CTNND2: variants seen among roughly 807,000 people sequenced by gnomAD.
CTNND2 encodes the protein catenin delta 2.
Under a neutral mutation model 144.4 loss-of-function variants are expected in CTNND2, and 22 were observed. The ratio of observed to expected loss-of-function variants is 0.15; its 90% confidence interval spans 0.11 to 0.22. The LOEUF is 0.22. Ranked by LOEUF, CTNND2 falls within the 10% of genes least tolerant of loss-of-function variation. The pLI, the probability that CTNND2 is intolerant of heterozygous loss-of-function variation, is 1.00. For synonymous variants in CTNND2, 751 were observed against 695.6 expected (o/e 1.08, Z -1.25); for missense variants, 1,353 against 1,618.8 (o/e 0.84, Z 2.82).
At chr5:11,427,761 C>T (rs1762916053) in intron 3 of CTNND2, among the ~76,000 whole-genome samples, 1 of 152,108 alleles carries the variant, frequency 6.6e-6, no homozygotes, top group South Asian at 2.1e-4. Flanking sequence ...TTCATTCCAC[C>T]CCACTGCCCC....
intron 2 of CTNND2, among the ~76,000 whole-genome samples, chr5:11,709,909 C>T (rs917754057): frequency 9.2e-5 from 14 of 151,950 alleles, no homozygotes; most frequent in African/African-American, 3.1e-4. Flanking sequence ...TACAAAAAAG[C>T]ATATTTGTAC....
chr5:11,786,047 A>G (rs951893547), intron 1 of CTNND2, among the ~76,000 whole-genome samples: 1 of 152,208 alleles, frequency 6.6e-6, no homozygotes, highest in African/African-American at 2.4e-5. Flanking sequence ...TGCAGAGCAC[A>G]TGGCTCACCT....
At chr5:11,363,462 G>A (rs1300464475) in intron 8 of CTNND2, among the ~76,000 whole-genome samples, 3 of 152,122 alleles carry the variant, frequency 2.0e-5, no homozygotes, top group African/African-American at 7.2e-5. Context: ...AACATTAAAT[G>A]CTAAAGTAGC....
chr5:10,975,772 G>T (rs1438595820), intron 21 of CTNND2, among the ~76,000 whole-genome samples: 1 of 152,212 alleles, frequency 6.6e-6, no homozygotes, highest in East Asian at 1.9e-4. Context: ...GGCCAGGGAA[G>T]GCAGTGCAGG....
At chr5:11,886,125 CA>C (rs1264275071) in intron 1 of CTNND2, among the ~76,000 whole-genome samples, 3 of 151,792 alleles carry the variant, frequency 2.0e-5, no homozygotes, top group Non-Finnish European at 4.4e-5. Flanking sequence ...ACCAGAAAAG[CA>C]GGAATAAACC....
At chr5:11,719,524 G>A (rs1786540816) in intron 2 of CTNND2, among the ~76,000 whole-genome samples, 1 of 152,112 alleles carries the variant, frequency 6.6e-6, no homozygotes, top group African/African-American at 2.4e-5. Context: ...GGATATCTCA[G>A]ACCACAGAGG....
At chr5:11,539,700 G>A (rs2150067524) in intron 3 of CTNND2, among the ~76,000 whole-genome samples, 1 of 152,318 alleles carries the variant, frequency 6.6e-6, no homozygotes, top group African/African-American at 2.4e-5. Context: ...GGCTCTCATG[G>A]CACTGCCACA....
chr5:11,716,156 C>T (rs1786338539), intron 2 of CTNND2, among the ~76,000 whole-genome samples: 1 of 152,204 alleles, frequency 6.6e-6, no homozygotes, highest in Non-Finnish European at 1.5e-5. Flanking sequence ...GACAGCCACT[C>T]ATAAGGGGTT....
intron 1 of CTNND2, among the ~76,000 whole-genome samples, chr5:11,772,255 T>C (rs978093450): frequency 2.6e-5 from 4 of 152,214 alleles, no homozygotes; most frequent in Admixed American, 2.6e-4. Flanking sequence ...TACCCTTTGT[T>C]TTATCTATTT....
At chr5:11,391,742 TA>T in intron 6 of CTNND2, among the ~76,000 whole-genome samples, 1 of 152,260 alleles carries the variant, frequency 6.6e-6, no homozygotes. Context: ...ATATGTAACA[TA>T]AAAGAAGAGA....
intron 14 of CTNND2, among the ~76,000 whole-genome samples, chr5:11,110,287 G>C (rs1269984988): frequency 1.3e-5 from 2 of 152,214 alleles, no homozygotes; most frequent in Non-Finnish European, 2.9e-5. Context: ...TCCAGCTCCA[G>C]CTCAACATTG....
At chr5:11,248,903 T>A (rs1743285531) in intron 9 of CTNND2, among the ~76,000 whole-genome samples, 1 of 152,242 alleles carries the variant, frequency 6.6e-6, no homozygotes, top group South Asian at 2.1e-4. Context: ...CATCACCTTA[T>A]CTTAGTTCTT....
chr5:11,068,096 A>G (rs1288891442), intron 16 of CTNND2, among the ~76,000 whole-genome samples: 3 of 152,210 alleles, frequency 2.0e-5, no homozygotes, highest in African/African-American at 4.8e-5. Flanking sequence ...GAGAAATGGG[A>G]TATCTCAGAG....
intron 2 of CTNND2, among the ~76,000 whole-genome samples, chr5:11,722,230 G>A (rs1264600272): frequency 6.6e-6 from 1 of 152,198 alleles, no homozygotes; most frequent in Non-Finnish European, 1.5e-5. Flanking sequence ...ACCCTCACAT[G>A]AGCCAGGGAC....
intron 2 of CTNND2, among the ~76,000 whole-genome samples, chr5:11,684,260 CCT>C (rs990747009): frequency 4.6e-5 from 7 of 151,948 alleles, no homozygotes; most frequent in African/African-American, 2.4e-5. Flanking sequence ...CGCCACCACG[CCT>C]GGCTAATTTT....
chr5:11,661,585 A>G (rs116639285), intron 2 of CTNND2, among the ~76,000 whole-genome samples: 2,059 of 152,212 alleles, frequency 0.014, 20 homozygotes, highest in East Asian at 0.057. Context: ...CTACAGGTTC[A>G]TGCTTACATC....
intron 16 of CTNND2, among the ~76,000 whole-genome samples, chr5:11,038,250 AG>A (rs1245894971): frequency 6.6e-6 from 1 of 152,152 alleles, no homozygotes; most frequent in Non-Finnish European, 1.5e-5. Flanking sequence ...GTTAGGAACC[AG>A]GCCACACAGC....
intron 3 of CTNND2, among the ~76,000 whole-genome samples, chr5:11,447,958 A>C (rs4701913): frequency 0.012 from 1,883 of 152,234 alleles, 146 homozygotes; most frequent in Admixed American, 0.11. Context: ...CATATAACAT[A>C]CTCAATTTTC....
intron 2 of CTNND2, among the ~76,000 whole-genome samples, chr5:11,651,480 C>A (rs956005454): frequency 6.6e-6 from 1 of 152,234 alleles, no homozygotes; most frequent in Non-Finnish European, 1.5e-5. Context: ...AGAGTCCCCA[C>A]TGGGGCACTG....
Sources: gnomAD v4.1 joint callset for allele counts (sites outside exome capture counted in the v4.1 genomes callset) on GRCh38, gnomAD v4.1.1 for gene constraint, MANE v1.5 for transcripts, NCBI Gene and HGNC (gene_info 2026-07-23, HGNC 2026-07-21) for gene names.